SHROOM4: variants seen among roughly 807,000 people sequenced by gnomAD.
SHROOM4 encodes protein Shroom4.
A neutral mutation model predicts 80.3 loss-of-function variants in SHROOM4; 17 were observed. That is an observed-to-expected ratio of 0.21 (90% CI 0.14 to 0.32). The LOEUF (loss-of-function observed/expected upper bound fraction) is 0.32, where lower values mean the gene tolerates loss of function less well. Among genes scored for constraint, SHROOM4 ranks in the 10% least tolerant of loss-of-function variants. SHROOM4 has a pLI of 1.00. For missense variants in SHROOM4, 993 were observed against 1,140.3 expected (o/e 0.87, Z 1.86); for synonymous variants, 400 against 437.5 (o/e 0.91, Z 1.07).
At chrX:50,625,607 AT>A (rs1363785607) in intron 5 of SHROOM4, among the ~76,000 whole-genome samples, 4 of 110,925 alleles carry the variant, frequency 3.6e-5, no homozygotes, top group Non-Finnish European at 7.6e-5. Context: ...CCTCCCCCAA[AT>A]ATCACACCTA....
intron 1 of SHROOM4, among the ~76,000 whole-genome samples, chrX:50,718,926 T>G (rs1242448742): frequency 9.0e-6 from 1 of 111,634 alleles, no homozygotes; most frequent in Non-Finnish European, 1.9e-5. Flanking sequence ...CCTGCTTCAG[T>G]ATGTATACTC....
At chrX:50,701,876 A>C (rs1933526457) in intron 1 of SHROOM4, among the ~76,000 whole-genome samples, 1 of 111,541 alleles carries the variant, frequency 9.0e-6, no homozygotes, top group Non-Finnish European at 1.9e-5. Flanking sequence ...TAGTAATCAT[A>C]AAGGAAAGAG....
chrX:50,744,314 A>C (rs957146470), intron 1 of SHROOM4, among the ~76,000 whole-genome samples: 4 of 110,742 alleles, frequency 3.6e-5, no homozygotes, highest in African/African-American at 1.3e-4. Flanking sequence ...TTTCTCTATT[A>C]ATCTGTCTTC....
At chrX:50,693,180 G>A (rs1431942455) in intron 2 of SHROOM4, among the ~76,000 whole-genome samples, 2 of 111,521 alleles carry the variant, frequency 1.8e-5, no homozygotes, top group East Asian at 2.8e-4. Flanking sequence ...AACATTTAAG[G>A]AATGGTCAGA....
At position 50,782,437 on chromosome X, in the gene SHROOM4, G is replaced by A. The variant is rs185315235; in HGVS notation, c.117+31465C>T. On this transcript the variant is annotated intron_variant, in intron 1 of 8. Transcript: ENST00000376020. ...GGAGGGCCCAAAAGAGAAACATATA[G>A]GGGCTATAATTCTGCCAGGTCCTGT... is the stretch of plus-strand genomic sequence containing the variant. Among the ~76,000 whole-genome samples, 461 of 111,116 alleles carry A rather than the reference G, an allele frequency of 4.1e-3. 2 individuals are homozygous for A. Among genetic ancestry groups the A allele is most frequent in the African/African-American group, 0.014 (439 of 30,609 alleles).
intron 7 of SHROOM4, among the ~76,000 whole-genome samples, chrX:50,599,933 G>A (rs1389879430): frequency 9.0e-6 from 1 of 111,456 alleles, no homozygotes; most frequent in Admixed American, 9.6e-5. Flanking sequence ...GTTTCTTAAG[G>A]GAAGTGCTGT....
intron 1 of SHROOM4, among the ~76,000 whole-genome samples, chrX:50,800,456 C>T (rs991732222): frequency 9.0e-6 from 1 of 111,398 alleles, no homozygotes; most frequent in African/African-American, 3.3e-5. Flanking sequence ...ATCAGAACTC[C>T]GGCATTTCAG....
intron 1 of SHROOM4, among the ~76,000 whole-genome samples, chrX:50,806,341 G>A (rs1400958905): frequency 8.9e-6 from 1 of 112,451 alleles, no homozygotes. Context: ...AAGTCATCTT[G>A]ACTTTTGCAA....
intron 2 of SHROOM4, among the ~76,000 whole-genome samples, chrX:50,678,129 G>A (rs1230549029): frequency 1.8e-5 from 2 of 111,374 alleles, no homozygotes; most frequent in African/African-American, 6.5e-5. Flanking sequence ...CTGTATAATT[G>A]TAAATAATTA....
intron 8 of SHROOM4, 86 bp downstream of exon 8, chrX:50,598,180 T>C: frequency 8.7e-7 from 1 of 1,149,669 alleles, no homozygotes; most frequent in Admixed American, 2.2e-5. Context: ...TACTGTTTCC[T>C]ATAGTAGCCC....
rs1278123311 is a variant in SHROOM4 at position 50,596,811 on chromosome X, T to C, written c.4366A>G (p.Lys1456Glu). ...TCAATGATGAGAGCAGATTTCATCT[T>C]GACAAAGTGCTGGTAATCTTGGAGC... The part of the protein sequence containing the change: ...DQLQDYQHFV[K>E]MKSALIIEQR... The change falls in exon 9 of 9, where the codon AAG (lysine) becomes GAG (glutamate). Residue 1456 changes from lysine (K) to glutamate (E), a missense_variant. Physicochemically the swap from Lys to Glu is moderately conservative, Grantham distance 56. Transcript: ENST00000376020. The C allele has an allele frequency of 1.7e-6, 2 of 1,211,446 alleles. No individual in the cohort carries two copies. The highest frequency in any genetic ancestry group is 3.5e-5 in the African/African-American group (2 of 57,888).
intron 1 of SHROOM4, among the ~76,000 whole-genome samples, chrX:50,788,464 G>C (rs967112313): frequency 9.0e-6 from 1 of 110,684 alleles, no homozygotes; most frequent in African/African-American, 3.3e-5. Context: ...AAAATTAGCC[G>C]GGCGTGGTGG....
intron 1 of SHROOM4, among the ~76,000 whole-genome samples, chrX:50,738,503 G>A (rs782434286): frequency 6.3e-4 from 70 of 111,513 alleles, no homozygotes; most frequent in African/African-American, 2.2e-3. Flanking sequence ...AAATCAATGT[G>A]CAAAAATCAC....
intron 1 of SHROOM4, among the ~76,000 whole-genome samples, chrX:50,715,464 G>A (rs1233549224): frequency 2.7e-5 from 3 of 111,929 alleles, no homozygotes; most frequent in African/African-American, 9.8e-5. Context: ...TAGGTGTTAT[G>A]TCTGATGATA....
chrX:50,768,945 G>A (rs1007664236), intron 1 of SHROOM4, among the ~76,000 whole-genome samples: 2 of 111,806 alleles, frequency 1.8e-5, no homozygotes, highest in Non-Finnish European at 3.8e-5. Flanking sequence ...GAACTCTCAG[G>A]AAACTAGAAG....
intron 5 of SHROOM4, among the ~76,000 whole-genome samples, chrX:50,622,237 G>A (rs1256596313): frequency 4.5e-5 from 5 of 111,280 alleles, no homozygotes; most frequent in African/African-American, 1.6e-4. Flanking sequence ...TCAGTAAAAC[G>A]GGAAAAATAA....
chrX:50,671,151 A>G (rs915446710), intron 2 of SHROOM4, among the ~76,000 whole-genome samples: 3 of 112,002 alleles, frequency 2.7e-5, no homozygotes, highest in Non-Finnish European at 3.8e-5. Flanking sequence ...TAAAATATTC[A>G]GTAACCCTGC....
At chrX:50,784,276 G>A (rs1219542037) in intron 1 of SHROOM4, among the ~76,000 whole-genome samples, 4 of 111,755 alleles carry the variant, frequency 3.6e-5, no homozygotes, top group African/African-American at 1.3e-4. Context: ...CAGGACTACA[G>A]GTAGGCACTA....
chrX:50,758,208 C>CT (rs1207650804), intron 1 of SHROOM4, among the ~76,000 whole-genome samples: 7 of 111,408 alleles, frequency 6.3e-5, no homozygotes, highest in African/African-American at 2.3e-4. Flanking sequence ...GACAAATTAG[C>CT]TTTTTTTGTC....
Sources: gnomAD v4.1 joint callset for allele counts (sites outside exome capture counted in the v4.1 genomes callset) on GRCh38, gnomAD v4.1.1 for gene constraint, MANE v1.5 for transcripts, NCBI Gene and HGNC (gene_info 2026-07-23, HGNC 2026-07-21) for gene names.